The following LRCH3 variants were observed in gnomAD, a reference collection of about 807,000 sequenced individuals.
LRCH3 encodes the protein leucine rich repeats and calponin homology domain containing 3.
In LRCH3, 68 loss-of-function variants were observed where a neutral mutation model predicts 104.5. The ratio of observed to expected loss-of-function variants is 0.65; its 90% confidence interval spans 0.54 to 0.80. LRCH3 has a LOEUF of 0.80. LRCH3 is among the 30% of genes least tolerant of loss of function. The pLI, the probability that LRCH3 is intolerant of heterozygous loss-of-function variation, is 0.00. For synonymous variants in LRCH3, 344 were observed against 361.3 expected (o/e 0.95, Z 0.54); for missense variants, 951 against 953.9 (o/e 1.00, Z 0.04).
intron 20 of LRCH3, chr3:197,882,596 A>G: frequency 1.0e-6 from 1 of 963,496 alleles, no homozygotes; most frequent in Non-Finnish European, 1.2e-6. Flanking sequence ...TGGCACCAGA[A>G]TTCTATATTC....
chr3:197,802,339 T>G (rs1188336216), intron 1 of LRCH3, among the ~76,000 whole-genome samples: 1 of 152,200 alleles, frequency 6.6e-6, no homozygotes, highest in Non-Finnish European at 1.5e-5. Context: ...AATTTATGAG[T>G]AGAAATTTGT....
At position 197,865,475 on chromosome 3, in the gene LRCH3, A is replaced by C; in HGVS notation, c.1765+4A>C. 1 of 1,531,814 alleles carries C rather than the reference A, an allele frequency of 6.5e-7. No homozygotes were observed. Among genetic ancestry groups the C allele is most frequent in the Non-Finnish European group, 8.8e-7 (1 of 1,135,770 alleles). The allele number at this position is 1,531,814 out of a possible 1,614,324, so 94.9% of individuals were successfully genotyped here. A position where few individuals can be genotyped will look rare whatever the true frequency, so the allele number is the denominator to read the frequency against. ...AGTTCACCTGCAACAGAAACAGGTAATAGACACAAAGGTGCAATTAACCAC... is the reference window on the plus strand; with the variant it reads ...AGTTCACCTGCAACAGAAACAGGTACTAGACACAAAGGTGCAATTAACCAC... On this transcript the variant is annotated splice_donor_region_variant and intron_variant, in intron 16 of 20. Coordinates refer to ENST00000425562, the MANE Select transcript of LRCH3 (RefSeq NM_001365715.1).
chr3:197,859,792 A>T (rs1230099764), intron 15 of LRCH3, among the ~76,000 whole-genome samples: 1 of 151,884 alleles, frequency 6.6e-6, no homozygotes, highest in Non-Finnish European at 1.5e-5. Flanking sequence ...TTTACACAAA[A>T]TACAATATTT....
chr3:197,795,981 G>A (rs1467823664), intron 1 of LRCH3, among the ~76,000 whole-genome samples: 1 of 151,888 alleles, frequency 6.6e-6, no homozygotes, highest in Non-Finnish European at 1.5e-5. Context: ...GTGACCCACC[G>A]CACCCGGCCA....
chr3:197,856,273 C>A lies in LRCH3; in HGVS notation c.1644+1828C>A, dbSNP rs1174503899. Among the ~76,000 whole-genome samples, 1 of 152,088 alleles carries A rather than the reference C, an allele frequency of 6.6e-6. No individual in the cohort carries two copies. The highest frequency in any genetic ancestry group is 6.6e-5 in the Admixed American group (1 of 15,266). On this transcript the variant is annotated intron_variant, in intron 14 of 20. Transcript: ENST00000425562. The surrounding 1 kb of genome is among the most constrained non-coding windows in gnomAD (Gnocchi z 4.2). ...ACAGTTAAATAAACTGACAGGAGCTCCAGTGCGTTTGATGAAAAGGAGGCC... is the reference window on the plus strand; with the variant it reads ...ACAGTTAAATAAACTGACAGGAGCTACAGTGCGTTTGATGAAAAGGAGGCC...
Position 197,858,918 on chromosome 3 carries a change from A to G in LRCH3, c.1716+13A>G. 2 of 1,608,380 alleles carry G rather than the reference A, an allele frequency of 1.2e-6. No homozygotes were observed. Among genetic ancestry groups the G allele is most frequent in the African/African-American group, 1.3e-5 (1 of 74,862 alleles). On this transcript the variant is annotated intron_variant, in intron 15 of 20. Coordinates refer to ENST00000425562, the MANE Select transcript of LRCH3 (RefSeq NM_001365715.1). ...CACGCCTCTTAAGGTATCTCTTGTT[A>G]TTGTAATTCACCAGGAAGTTTGGGG...
At chr3:197,827,209 G>T (rs1409802951) in intron 5 of LRCH3, among the ~76,000 whole-genome samples, 195 bp downstream of exon 5, 3 of 152,060 alleles carry the variant, frequency 2.0e-5, no homozygotes, top group Non-Finnish European at 2.9e-5. Flanking sequence ...GTAGACCATG[G>T]TGGAAGCATC....
At chr3:197,842,287 T>C (rs1354161780) in intron 10 of LRCH3, among the ~76,000 whole-genome samples, 1 of 152,192 alleles carries the variant, frequency 6.6e-6, no homozygotes. Context: ...TGTGCCAAGT[T>C]CCTTTCCAGA....
intron 1 of LRCH3, among the ~76,000 whole-genome samples, chr3:197,805,723 C>T (rs937154030): frequency 2.6e-5 from 4 of 151,436 alleles, no homozygotes; most frequent in African/African-American, 9.7e-5. Context: ...ATGGTAAGAT[C>T]TCTAGGCATC....
In LRCH3 at chr3:197,882,725, A is replaced by G; in HGVS notation, c.2209-816A>G. ...TCTCACAAGAAAGGGTTAACCTAAC[A>G]AATTAACGATGCACACATTAAGGAA... On this transcript the variant is annotated intron_variant, in intron 20 of 20. Transcript: ENST00000425562. 3.0e-6 allele frequency: 3 copies of G among 985,452 alleles called. No homozygotes were observed. The South Asian group carries it at 1.4e-4, about 46-fold the overall frequency. 61.0% of individuals were successfully genotyped at this position (985,452 alleles called of 1,614,324 possible). A position where few individuals can be genotyped will look rare whatever the true frequency, so the allele number is the denominator to read the frequency against.
chr3:197,803,855 G>A (rs961222935), intron 1 of LRCH3, among the ~76,000 whole-genome samples: 3 of 152,176 alleles, frequency 2.0e-5, no homozygotes, highest in African/African-American at 4.8e-5. Flanking sequence ...ACGTTAACCA[G>A]GTAATTCTTT....
At chr3:197,875,620 C>T in intron 19 of LRCH3, 78 bp from the exon 20 acceptor site, 35 of 1,127,086 alleles carry the variant, frequency 3.1e-5, no homozygotes, top group Non-Finnish European at 4.2e-5. Context: ...CGCCACTGCA[C>T]TCCAGCCTGG....
At chr3:197,852,153 A>G (rs1468411812) in intron 12 of LRCH3, among the ~76,000 whole-genome samples, 2 of 152,240 alleles carry the variant, frequency 1.3e-5, no homozygotes, top group Non-Finnish European at 2.9e-5. Flanking sequence ...GTTGGAGAAA[A>G]TAGCCAGTTA....
intron 13 of LRCH3, among the ~76,000 whole-genome samples, chr3:197,853,612 A>G (rs892936227): frequency 1.4e-4 from 21 of 152,218 alleles, no homozygotes; most frequent in Admixed American, 1.3e-3. Flanking sequence ...GTGGGGCTTT[A>G]CAAGCAACAA....
At chr3:197,853,371 G>A (rs1349815296) in intron 13 of LRCH3, among the ~76,000 whole-genome samples, 2 of 152,014 alleles carry the variant, frequency 1.3e-5, no homozygotes, top group Non-Finnish European at 2.9e-5. Flanking sequence ...TGTATTTTCA[G>A]TAGAGACGGG....
At chr3:197,852,417 TCTAA>T (rs1739732076) in intron 12 of LRCH3, 140 bp from the exon 13 acceptor site, 4 of 745,358 alleles carry the variant, frequency 5.4e-6, no homozygotes, top group Non-Finnish European at 9.0e-6. Flanking sequence ...CTAAACATTT[TCTAA>T]CTAGTAAATC....
rs1362372890 is a variant in LRCH3, at chr3:197,888,091, A to G, written c.*4425A>G. 1 of 152,266 alleles carries G rather than the reference A, an allele frequency of 6.6e-6. No individual in the cohort carries two copies. The highest frequency in any genetic ancestry group is 2.4e-5 in the African/African-American group (1 of 41,482). The allele number at this position is 152,266 out of a possible 1,614,324, so 9.4% of individuals were successfully genotyped here. A position where few individuals can be genotyped will look rare whatever the true frequency, so the allele number is the denominator to read the frequency against. On this transcript the variant is annotated 3_prime_UTR_variant, in exon 21 of 21. Coordinates refer to ENST00000425562, the MANE Select transcript of LRCH3 (RefSeq NM_001365715.1). ...TTTCTCTTACTTTCTACAGCTCAGCAGTGACTAATGATGTGTGACTATGCG... is the reference window on the plus strand; with the variant it reads ...TTTCTCTTACTTTCTACAGCTCAGCGGTGACTAATGATGTGTGACTATGCG...
chr3:197,792,599 ATATAT>A, intron 1 of LRCH3, among the ~76,000 whole-genome samples: 3 of 80,264 alleles, frequency 3.7e-5, no homozygotes, highest in African/African-American at 1.2e-4. Flanking sequence ...ATATATATAT[ATATAT>A]AAAATATACA....
rs1714054724 is a variant in LRCH3, at chr3:197,884,595, C to T, written c.*929C>T. On this transcript the variant is annotated 3_prime_UTR_variant, in exon 21 of 21. Transcript: ENST00000425562. ...TGAGCCACTGCGCCCGGCGCCCGGC[C>T]CATTGCACGTGTTTTTCATGTAGTG... The T allele has an allele frequency of 6.6e-6, 1 of 150,398 alleles. No individual in the cohort carries two copies. The highest frequency in any genetic ancestry group is 1.5e-5 in the Non-Finnish European group (1 of 67,610). The allele number at this position is 150,398 out of a possible 1,614,324, so 9.3% of individuals were successfully genotyped here.
Sources: allele counts gnomAD v4.1 joint callset (sites outside exome capture counted in the v4.1 genomes callset), GRCh38; gene constraint gnomAD v4.1.1; non-coding constraint Gnocchi (gnomAD v3.1); transcripts MANE v1.5; gene names NCBI Gene and HGNC (gene_info 2026-07-23, HGNC 2026-07-21).